AFG2A: variants seen among roughly 807,000 people sequenced by gnomAD.
The protein encoded by AFG2A is ATPase family gene 2 protein homolog A.
the AFG2A span, among the ~76,000 whole-genome samples, chr4:123,176,751 G>C: frequency 2.6e-5 from 4 of 152,072 alleles, no homozygotes; most frequent in Non-Finnish European, 5.9e-5. Context: ...CTTAAAACAA[G>C]TCTACACTTC....
the AFG2A span, among the ~76,000 whole-genome samples, chr4:123,163,313 G>A: frequency 6.6e-6 from 1 of 152,180 alleles, no homozygotes; most frequent in East Asian, 1.9e-4. Flanking sequence ...GCGCGTGCCT[G>A]TAATCCCAAC....
chr4:123,192,248 A>C, the AFG2A span, among the ~76,000 whole-genome samples: 1,231 of 152,280 alleles, frequency 8.1e-3, 14 homozygotes, highest in African/African-American at 0.027. Flanking sequence ...GCTGGTGTCT[A>C]ACTCCTGAGC....
At chr4:123,266,738 A>G in the AFG2A span, among the ~76,000 whole-genome samples, 3 of 151,838 alleles carry the variant, frequency 2.0e-5, no homozygotes, top group Admixed American at 6.6e-5. Context: ...ATGTTTTTTT[A>G]TAAACTCCCT....
At chr4:123,107,612 T>G in the AFG2A span, among the ~76,000 whole-genome samples, 1 of 152,214 alleles carries the variant, frequency 6.6e-6, no homozygotes, top group Non-Finnish European at 1.5e-5. Flanking sequence ...AAGGTGGGGT[T>G]TCACCAGGGA....
At chr4:123,009,091 A>T in the AFG2A span, among the ~76,000 whole-genome samples, 4 of 152,222 alleles carry the variant, frequency 2.6e-5, no homozygotes, top group African/African-American at 9.6e-5. Flanking sequence ...GGATACAGAT[A>T]AAAATAAGCA....
chr4:123,182,517 A>T, the AFG2A span, among the ~76,000 whole-genome samples: 14,781 of 152,198 alleles, frequency 0.097, 2,090 homozygotes, highest in African/African-American at 0.31. Flanking sequence ...TAATTCTAGG[A>T]CTTCCATCTG....
the AFG2A span, among the ~76,000 whole-genome samples, chr4:122,944,493 CT>C: frequency 5.9e-5 from 9 of 152,204 alleles, no homozygotes; most frequent in Middle Eastern, 3.2e-3. Flanking sequence ...CCATCAGCTC[CT>C]TTAAGCACTT....
At chr4:122,942,930 T>A in the AFG2A span, among the ~76,000 whole-genome samples, 3 of 151,848 alleles carry the variant, frequency 2.0e-5, no homozygotes, top group Non-Finnish European at 4.4e-5. Flanking sequence ...TCAGTTTCCA[T>A]GTAGTTGAGC....
At chr4:123,015,961 G>C in the AFG2A span, among the ~76,000 whole-genome samples, 1 of 39,220 alleles carries the variant, frequency 2.5e-5, no homozygotes, top group African/African-American at 5.1e-5. Context: ...TCACCTCCCG[G>C]ACGGGGCGGC....
At chr4:123,035,144 A>T in the AFG2A span, among the ~76,000 whole-genome samples, 2 of 152,096 alleles carry the variant, frequency 1.3e-5, no homozygotes, top group Non-Finnish European at 2.9e-5. Flanking sequence ...TTCTGGCCCC[A>T]AACCCAGACC....
the AFG2A span, among the ~76,000 whole-genome samples, chr4:123,207,990 A>G: frequency 1.3e-5 from 2 of 152,188 alleles, no homozygotes; most frequent in African/African-American, 4.8e-5. Context: ...TTGAAAAAGA[A>G]CACAGCTGAA....
chr4:123,068,278 C>T, the AFG2A span, among the ~76,000 whole-genome samples: 1 of 152,004 alleles, frequency 6.6e-6, no homozygotes, highest in East Asian at 1.9e-4. Flanking sequence ...TTTCTCAGTT[C>T]ATAAAACATT....
chr4:122,992,010 G>C, the AFG2A span, among the ~76,000 whole-genome samples: 5 of 152,170 alleles, frequency 3.3e-5, no homozygotes, highest in African/African-American at 9.7e-5. Flanking sequence ...CCACATGTCA[G>C]AATTTCAGGT....
the AFG2A span, among the ~76,000 whole-genome samples, chr4:122,990,347 T>C: frequency 6.6e-6 from 1 of 152,210 alleles, no homozygotes; most frequent in Non-Finnish European, 1.5e-5. Flanking sequence ...TTGTACTCTT[T>C]CTTGCAAAAA....
chr4:122,977,622 CA>C, the AFG2A span, among the ~76,000 whole-genome samples: 1 of 152,256 alleles, frequency 6.6e-6, no homozygotes. Context: ...TCTCATTGCC[CA>C]AAATGTGGTG....
At chr4:123,077,170 C>T in the AFG2A span, among the ~76,000 whole-genome samples, 1 of 151,590 alleles carries the variant, frequency 6.6e-6, no homozygotes, top group African/African-American at 2.4e-5. Context: ...GCCTCAGCCT[C>T]CTGGGTAGCT....
At chr4:123,180,135 G>A in the AFG2A span, among the ~76,000 whole-genome samples, 3 of 152,070 alleles carry the variant, frequency 2.0e-5, no homozygotes, top group Non-Finnish European at 2.9e-5. Flanking sequence ...CACGAGAATC[G>A]CTCGAACCCA....
At chr4:123,123,951 C>CAAAA in the AFG2A span, among the ~76,000 whole-genome samples, 266 of 35,654 alleles carry the variant, frequency 7.5e-3, 24 homozygotes, top group African/African-American at 0.022. Flanking sequence ...AACTCCGTCT[C>CAAAA]AAAAAAAAAA....
the AFG2A span, among the ~76,000 whole-genome samples, chr4:123,060,439 A>C: frequency 6.6e-6 from 1 of 152,222 alleles, no homozygotes; most frequent in Non-Finnish European, 1.5e-5. Flanking sequence ...TCTAGGCGGA[A>C]GTTCCCAAAC....
Sources: allele counts gnomAD v4.1 joint callset (sites outside exome capture counted in the v4.1 genomes callset), GRCh38; gene constraint gnomAD v4.1.1; transcripts MANE v1.5; gene names NCBI Gene and HGNC (gene_info 2026-07-23, HGNC 2026-07-21).